Variants in POM121C observed in about 807,000 individuals in gnomAD.
The protein encoded by POM121C is nuclear envelope pore membrane protein POM 121C.
POM121C carries 20 observed loss-of-function variants against 66.4 expected under a neutral mutation model. The ratio of observed to expected loss-of-function variants is 0.30; its 90% CI spans 0.21 to 0.44. POM121C has a LOEUF of 0.44. POM121C is among the 20% of genes least tolerant of loss of function. POM121C has a pLI of 1.00. For missense variants in POM121C, 580 were observed against 1,225.7 expected (o/e 0.47, Z 7.87); for synonymous variants, 286 against 528.0 (o/e 0.54, Z 6.28).
chr7:75,467,136 T>G, intron 3 of POM121C, among the ~76,000 whole-genome samples: 1 of 152,228 alleles, frequency 6.6e-6, no homozygotes, highest in Non-Finnish European at 1.5e-5. Flanking sequence ...ATGGTTCTCT[T>G]GCTTGGCCAG....
chr7:75,448,195 C>T (rs1385206893), intron 3 of POM121C, among the ~76,000 whole-genome samples: 1 of 152,000 alleles, frequency 6.6e-6, no homozygotes, highest in Non-Finnish European at 1.5e-5. Flanking sequence ...CATAATTGTG[C>T]CACTGCATTC....
At chr7:75,464,943 G>A (rs1321413778) in intron 3 of POM121C, among the ~76,000 whole-genome samples, 1 of 145,796 alleles carries the variant, frequency 6.9e-6, no homozygotes, top group African/African-American at 2.6e-5. Context: ...GCAGATGGAA[G>A]AGAGAGTCAT....
chr7:75,449,601 C>T (rs1273470435), intron 3 of POM121C, among the ~76,000 whole-genome samples: 1 of 152,110 alleles, frequency 6.6e-6, no homozygotes, highest in Non-Finnish European at 1.5e-5. Flanking sequence ...CTCCTGACCT[C>T]GTGTTCCACC....
intron 7 of POM121C, among the ~76,000 whole-genome samples, chr7:75,430,991 GCGTGAACC>G (rs1469917337): frequency 6.8e-6 from 1 of 147,380 alleles, no homozygotes; most frequent in Non-Finnish European, 1.5e-5. Flanking sequence ...CAGGAGAATG[GCGTGAACC>G]CGGGAGGCGG....
chr7:75,467,817 G>A (rs1320865329), intron 3 of POM121C, among the ~76,000 whole-genome samples: 2 of 151,966 alleles, frequency 1.3e-5, no homozygotes. Flanking sequence ...GTGAGGAACT[G>A]TGCTAGGGGG....
intron 7 of POM121C, among the ~76,000 whole-genome samples, chr7:75,426,797 C>CAAAAAA (rs543569250): frequency 2.9e-4 from 18 of 61,066 alleles, no homozygotes; most frequent in East Asian, 1.6e-3. Flanking sequence ...GACCCTGTCT[C>CAAAAAA]AAAAAAAAAA....
In POM121C at chr7:75,435,350, G is replaced by C. The variant is rs187903436; in HGVS notation, c.480+2165C>G. On this transcript the variant is annotated intron_variant, in intron 7 of 14. Coordinates refer to ENST00000615331, the MANE Select transcript of POM121C (RefSeq NM_001099415.3). ...TGGCAGTTTTCAGATACACTGATAC[G>C]CATACCGTTTAAAAAAGAACAACAA... 1.2e-3 allele frequency among the ~76,000 whole-genome samples: 181 copies of C among 152,154 alleles called. 1 individual carries two copies. Among genetic ancestry groups the C allele is most frequent in the African/African-American group, 4.2e-3 (173 of 41,504 alleles).
intron 13 of POM121C, chr7:75,421,293 A>C: frequency 7.7e-7 from 1 of 1,292,210 alleles, no homozygotes; most frequent in Non-Finnish European, 1.0e-6. Context: ...TACAATTGTT[A>C]AGTACTCAGA....
At chr7:75,468,810 C>T (rs1470899703) in intron 3 of POM121C, among the ~76,000 whole-genome samples, 2 of 152,032 alleles carry the variant, frequency 1.3e-5, no homozygotes, top group Non-Finnish European at 2.9e-5. Flanking sequence ...TCGCTTGAGC[C>T]CAGGAGTTTG....
At chr7:75,453,544 C>T (rs368367139) in intron 3 of POM121C, among the ~76,000 whole-genome samples, 45 of 150,280 alleles carry the variant, frequency 3.0e-4, no homozygotes, top group African/African-American at 8.8e-4. Flanking sequence ...ATCATGCCAT[C>T]GCACTCCAGC....
chr7:75,467,508 G>A (rs1423792079), intron 3 of POM121C, among the ~76,000 whole-genome samples: 3 of 141,964 alleles, frequency 2.1e-5, no homozygotes, highest in Admixed American at 7.7e-5. Context: ...CTCCAGCCTG[G>A]GCGACAGAGC....
At chr7:75,442,708 C>A (rs1278879776) in intron 3 of POM121C, 3 of 1,383,548 alleles carry the variant, frequency 2.2e-6, no homozygotes, top group Non-Finnish European at 1.9e-6. Context: ...CCGCCGCAGC[C>A]GCCGGAGACA....
chr7:75,453,118 G>A (rs2116453644), intron 3 of POM121C, among the ~76,000 whole-genome samples: 1 of 152,120 alleles, frequency 6.6e-6, no homozygotes, highest in East Asian at 1.9e-4. Context: ...TGCAACACAG[G>A]AAACACCAAT....
chr7:75,447,875 T>A (rs1554475000), intron 3 of POM121C, among the ~76,000 whole-genome samples: 2 of 151,826 alleles, frequency 1.3e-5, no homozygotes. Context: ...TACAAAAAAA[T>A]TAACCAGGCG....
chr7:75,428,508 G>A (rs587667508), intron 7 of POM121C, among the ~76,000 whole-genome samples: 24 of 152,370 alleles, frequency 1.6e-4, no homozygotes, highest in African/African-American at 5.3e-4. Context: ...AGCACTTTGG[G>A]AGACTGAGGC....
chr7:75,442,646 C>T (rs1554474261), intron 3 of POM121C: 1 of 1,477,818 alleles, frequency 6.8e-7, no homozygotes, highest in Admixed American at 2.3e-5. Context: ...GCAGCCCCGG[C>T]CCCGGCCGTC....
In POM121C at chr7:75,424,502, A is replaced by G. The variant is rs781984218; in HGVS notation, c.871+24T>C. 1.9e-6 allele frequency: 3 copies of G among 1,610,684 alleles called. No homozygotes were observed. In the Admixed American group the frequency reaches 5.0e-5, roughly 27 times the overall value. On this transcript the variant is annotated intron_variant, in intron 11 of 14. Transcript: ENST00000615331. ...AAACAGACACCTGAAACCTCTCGAG[A>G]GTGCAACGATCTGTGCTCCTTACCA...
intron 14 of POM121C, among the ~76,000 whole-genome samples, chr7:75,419,104 T>G (rs1320865930): frequency 6.6e-6 from 1 of 152,218 alleles, no homozygotes; most frequent in Non-Finnish European, 1.5e-5. Flanking sequence ...CATTTTTACC[T>G]GGCTTCCCAT....
At chr7:75,464,998 CTTT>C (rs782029706) in intron 3 of POM121C, among the ~76,000 whole-genome samples, 4 of 133,888 alleles carry the variant, frequency 3.0e-5, no homozygotes, top group Non-Finnish European at 4.9e-5. Context: ...GTCTACAGTT[CTTT>C]TTTTTTTTTT....
Sources: allele counts gnomAD v4.1 joint callset (sites outside exome capture counted in the v4.1 genomes callset), GRCh38; gene constraint gnomAD v4.1.1; transcripts MANE v1.5; gene names NCBI Gene and HGNC (gene_info 2026-07-23, HGNC 2026-07-21).